Variants in GRIP1 observed in about 807,000 individuals in gnomAD.
GRIP1 encodes the protein glutamate receptor interacting protein 1.
GRIP1 carries 45 observed loss-of-function variants against 129.9 expected under a neutral mutation model. That is an observed-to-expected ratio of 0.35 (90% confidence interval 0.27 to 0.44). The LOEUF is 0.44. GRIP1 is among the 20% of genes least tolerant of loss of function. The probability of loss-of-function intolerance (pLI) is 1.00; values close to 1 mark genes in which losing one functional copy is unlikely to be tolerated. For missense variants in GRIP1, 1,196 were observed against 1,396.8 expected, an observed-to-expected ratio of 0.86 and a Z score of 2.29; for synonymous variants, 530 against 520.8, an observed-to-expected ratio of 1.02 and a Z score of -0.24.
chr12:66,399,554 T>A (rs1592766892), intron 16 of GRIP1, among the ~76,000 whole-genome samples: 1 of 151,976 alleles, frequency 6.6e-6, no homozygotes, highest in East Asian at 1.9e-4. Flanking sequence ...TTTACAACGA[T>A]TAGTGAAAGA....
chr12:66,787,158 G>A (rs994578806), intron 1 of GRIP1, among the ~76,000 whole-genome samples: 1 of 152,088 alleles, frequency 6.6e-6, no homozygotes, highest in Admixed American at 6.6e-5. Flanking sequence ...TGTGTTTTCT[G>A]TAAGTCAACA....
chr12:66,741,763 C>T (rs887252866), intron 1 of GRIP1, among the ~76,000 whole-genome samples: 3 of 152,124 alleles, frequency 2.0e-5, no homozygotes, highest in African/African-American at 7.2e-5. Context: ...ATTTCAAATG[C>T]TCTATAGCCA....
intron 7 of GRIP1, among the ~76,000 whole-genome samples, chr12:66,496,483 A>T (rs937814226): frequency 4.6e-5 from 7 of 152,214 alleles, no homozygotes; most frequent in African/African-American, 1.7e-4. Context: ...ACACAAGGTC[A>T]TACAGGCCAC....
intron 2 of GRIP1, among the ~76,000 whole-genome samples, chr12:66,570,127 GTATA>G (rs2062910268): frequency 7.2e-6 from 1 of 139,686 alleles, no homozygotes; most frequent in South Asian, 2.3e-4. Flanking sequence ...ATGTATGTAT[GTATA>G]TATTAGAGAC....
At chr12:66,771,151 T>C (rs1322803522) in intron 1 of GRIP1, among the ~76,000 whole-genome samples, 1 of 152,118 alleles carries the variant, frequency 6.6e-6, no homozygotes, top group Non-Finnish European at 1.5e-5. Context: ...TTGTAGTTTA[T>C]CATTCAGAGA....
chr12:66,691,830 A>G (rs2034992740), intron 1 of GRIP1, among the ~76,000 whole-genome samples: 2 of 152,204 alleles, frequency 1.3e-5, no homozygotes, highest in South Asian at 4.1e-4. Context: ...AGGGACTCAC[A>G]GAAGGATGAA....
intron 1 of GRIP1, among the ~76,000 whole-genome samples, chr12:67,031,588 C>T (rs1013493382): frequency 3.3e-5 from 5 of 152,154 alleles, no homozygotes; most frequent in East Asian, 3.9e-4. Flanking sequence ...GATAATTTAC[C>T]GCACACTCCA....
At chr12:66,356,077 G>A (rs763428185) in intron 23 of GRIP1, among the ~76,000 whole-genome samples, 12 of 152,180 alleles carry the variant, frequency 7.9e-5, no homozygotes, top group African/African-American at 1.7e-4. Flanking sequence ...GGCACTTCTG[G>A]TACCAGGGCC....
chr12:66,875,687 G>C (rs992444200), intron 1 of GRIP1, among the ~76,000 whole-genome samples: 9 of 152,004 alleles, frequency 5.9e-5, no homozygotes, highest in African/African-American at 2.2e-4. Context: ...CCTTAACTTT[G>C]CAGTTTTACT....
rs574158221 is a variant in GRIP1 at position 66,348,793 on chromosome 12, C to A, written c.*226G>T. 1.1e-5 allele frequency: 6 copies of A among 560,068 alleles called. No homozygotes were observed. In the African/African-American group the frequency reaches 1.1e-4, roughly 11 times the overall value. 34.7% of individuals were successfully genotyped at this position (560,068 alleles called of 1,614,324 possible). A position where few individuals can be genotyped will look rare whatever the true frequency, so the allele number is the denominator to read the frequency against. ...GGCCTATTTTTCTCTACCGTTGGGACTGGCAGGGCATTGCCCACCATATAC... is the reference window on the plus strand; with the variant it reads ...GGCCTATTTTTCTCTACCGTTGGGAATGGCAGGGCATTGCCCACCATATAC... On this transcript the variant is annotated 3_prime_UTR_variant, in exon 25 of 25. Transcript: ENST00000359742.
At chr12:66,447,256 C>T (rs532632527) in intron 11 of GRIP1, among the ~76,000 whole-genome samples, 104 of 152,310 alleles carry the variant, frequency 6.8e-4, no homozygotes, top group African/African-American at 2.5e-3. Flanking sequence ...GATTCCTAAA[C>T]CTCATGGGAT....
intron 23 of GRIP1, among the ~76,000 whole-genome samples, chr12:66,357,155 G>C (rs545701620): frequency 6.6e-6 from 1 of 152,306 alleles, no homozygotes; most frequent in African/African-American, 2.4e-5. Flanking sequence ...GGGATTACAG[G>C]TGTGAGCCAC....
chr12:66,492,777 A>G (rs1231336231), intron 7 of GRIP1, among the ~76,000 whole-genome samples: 3 of 152,178 alleles, frequency 2.0e-5, no homozygotes, highest in Non-Finnish European at 4.4e-5. Context: ...TGGGAGGCCA[A>G]CGCGAGTGGA....
intron 1 of GRIP1, among the ~76,000 whole-genome samples, chr12:66,729,590 T>C (rs1385330298): frequency 1.3e-5 from 2 of 152,164 alleles, no homozygotes; most frequent in Non-Finnish European, 2.9e-5. Context: ...ATATTTTTTT[T>C]TGAGACGGAG....
At chr12:66,834,020 A>G (rs1157970666) in intron 1 of GRIP1, among the ~76,000 whole-genome samples, 2 of 152,062 alleles carry the variant, frequency 1.3e-5, no homozygotes, top group East Asian at 3.9e-4. Context: ...TACTAAAAAT[A>G]CAGAAAAATT....
intron 5 of GRIP1, among the ~76,000 whole-genome samples, chr12:66,527,483 A>G (rs2090015826): frequency 6.6e-6 from 1 of 151,878 alleles, no homozygotes. Context: ...CAATGAGAAC[A>G]TGGACACAGG....
chr12:66,848,766 G>GA (rs1372238480), intron 1 of GRIP1, among the ~76,000 whole-genome samples: 5 of 152,058 alleles, frequency 3.3e-5, no homozygotes, highest in African/African-American at 1.2e-4. Context: ...TTCTTTAAAT[G>GA]AAAAAATAAG....
At chr12:66,406,024 G>T (rs935628771) in intron 16 of GRIP1, among the ~76,000 whole-genome samples, 2 of 152,134 alleles carry the variant, frequency 1.3e-5, no homozygotes, top group African/African-American at 4.8e-5. Context: ...TGATGATTTA[G>T]ATTTCATCTT....
chr12:66,973,430 C>T (rs1334050077), intron 1 of GRIP1, among the ~76,000 whole-genome samples: 1 of 145,894 alleles, frequency 6.9e-6, no homozygotes, highest in African/African-American at 2.6e-5. Context: ...CCTCTTTCAG[C>T]CTGTTAAAAC....
Sources: allele counts gnomAD v4.1 joint callset (sites outside exome capture counted in the v4.1 genomes callset), GRCh38; gene constraint gnomAD v4.1.1; transcripts MANE v1.5; gene names NCBI Gene and HGNC (gene_info 2026-07-23, HGNC 2026-07-21).